The following DLG2 variants were observed in gnomAD, a reference collection of about 807,000 sequenced individuals.
The protein encoded by DLG2 is discs large MAGUK scaffold protein 2, also known as disks large homolog 2.
Under a neutral mutation model 132.5 loss-of-function variants are expected in DLG2, and 45 were observed. The ratio of observed to expected loss-of-function variants is 0.34; its 90% confidence interval spans 0.27 to 0.44. The LOEUF (loss-of-function observed/expected upper bound fraction) is 0.44, where lower values mean the gene tolerates loss of function less well. Ranked by LOEUF, DLG2 falls within the 20% of genes least tolerant of loss-of-function variation. DLG2 has a pLI of 1.00. For missense variants in DLG2, 1,045 were observed against 1,196.9 expected (o/e 0.87, Z 1.87); for synonymous variants, 424 against 419.6 (o/e 1.01, Z -0.13).
At chr11:85,120,735 G>T (rs2074204736) in intron 5 of DLG2, among the ~76,000 whole-genome samples, 1 of 151,900 alleles carries the variant, frequency 6.6e-6, no homozygotes, top group Admixed American at 6.6e-5. Context: ...CAAAATTCTT[G>T]CTGGCATAGA....
At chr11:83,976,336 G>C (rs1482178535) in intron 12 of DLG2, among the ~76,000 whole-genome samples, 2 of 151,924 alleles carry the variant, frequency 1.3e-5, no homozygotes, top group Non-Finnish European at 2.9e-5. Context: ...AGAAGTGTCA[G>C]AAGGAAGTGG....
At chr11:85,250,997 G>A (rs1183630320) in intron 4 of DLG2, among the ~76,000 whole-genome samples, 1 of 152,138 alleles carries the variant, frequency 6.6e-6, no homozygotes, top group Non-Finnish European at 1.5e-5. Context: ...GGGTGAGTTG[G>A]GAATACATTT....
chr11:84,769,786 C>T (rs900634204), intron 6 of DLG2, among the ~76,000 whole-genome samples: 1 of 152,132 alleles, frequency 6.6e-6, no homozygotes, highest in Non-Finnish European at 1.5e-5. Context: ...GGATTTCTCA[C>T]CAGAAACCTT....
At chr11:84,768,108 G>A (rs1462090844) in intron 6 of DLG2, among the ~76,000 whole-genome samples, 4 of 152,126 alleles carry the variant, frequency 2.6e-5, no homozygotes, top group African/African-American at 7.2e-5. Context: ...TCTGTTAAAT[G>A]AGAATGCCAA....
intron 6 of DLG2, among the ~76,000 whole-genome samples, chr11:84,758,522 T>C (rs2067187516): frequency 6.6e-6 from 1 of 152,192 alleles, no homozygotes; most frequent in African/African-American, 2.4e-5. Flanking sequence ...TATTTTCTCA[T>C]TGTTTTACTC....
intron 15 of DLG2, among the ~76,000 whole-genome samples, chr11:83,906,279 A>T (rs1356759865): frequency 0.2 from 19,915 of 100,558 alleles, 2,582 homozygotes; most frequent in South Asian, 0.3. Flanking sequence ...ACACACACAC[A>T]CACACACACA....
At chr11:85,560,892 T>A (rs755281899) in intron 3 of DLG2, among the ~76,000 whole-genome samples, 21 of 150,792 alleles carry the variant, frequency 1.4e-4, no homozygotes, top group Non-Finnish European at 3.0e-4. Flanking sequence ...ATTAGCCAGG[T>A]GTGATGGTGT....
At chr11:84,138,500 C>A (rs1049011596) in intron 9 of DLG2, among the ~76,000 whole-genome samples, 1 of 152,140 alleles carries the variant, frequency 6.6e-6, no homozygotes, top group African/African-American at 2.4e-5. Context: ...GAAGACAGCC[C>A]GTCCCTAAAG....
intron 6 of DLG2, among the ~76,000 whole-genome samples, chr11:84,787,852 A>G (rs989980858): frequency 1.3e-5 from 2 of 151,760 alleles, no homozygotes; most frequent in Non-Finnish European, 2.9e-5. Flanking sequence ...TAATCCCAGC[A>G]CTTTGGGAGG....
intron 11 of DLG2, among the ~76,000 whole-genome samples, chr11:83,989,413 A>C (rs926743425): frequency 6.6e-6 from 1 of 152,148 alleles, no homozygotes; most frequent in Non-Finnish European, 1.5e-5. Flanking sequence ...AAGTGCTCTC[A>C]ATAAACTGTC....
chr11:84,394,760 T>C (rs868367070), intron 7 of DLG2, among the ~76,000 whole-genome samples: 12 of 152,130 alleles, frequency 7.9e-5, no homozygotes, highest in Admixed American at 1.3e-4. Context: ...TAGCTGGGAT[T>C]ACAGGTGTGC....
At chr11:84,710,583 G>C (rs1752452951) in intron 6 of DLG2, among the ~76,000 whole-genome samples, 3 of 151,818 alleles carry the variant, frequency 2.0e-5, no homozygotes, top group African/African-American at 7.3e-5. Context: ...GCCATATGAT[G>C]CAGTGATATC....
At chr11:83,885,225 G>A (rs1451907744) in intron 15 of DLG2, among the ~76,000 whole-genome samples, 1 of 152,182 alleles carries the variant, frequency 6.6e-6, no homozygotes, top group East Asian at 1.9e-4. Context: ...TGTATAACTA[G>A]AATAACCAAT....
chr11:83,996,231 T>C (rs1426769566), intron 11 of DLG2, among the ~76,000 whole-genome samples: 2 of 152,138 alleles, frequency 1.3e-5, no homozygotes, highest in African/African-American at 4.8e-5. Flanking sequence ...GTGCTCAACA[T>C]CATTAATCAT....
intron 6 of DLG2, among the ~76,000 whole-genome samples, chr11:84,664,983 AG>A (rs1411062124): frequency 2.0e-5 from 3 of 151,904 alleles, no homozygotes; most frequent in Non-Finnish European, 4.4e-5. Flanking sequence ...TCGTGAAAGT[AG>A]GAGAAGTACC....
chr11:83,577,559 A>ATATAT (rs2096893978), intron 19 of DLG2, among the ~76,000 whole-genome samples: 1 of 78,442 alleles, frequency 1.3e-5, no homozygotes, highest in Non-Finnish European at 2.4e-5. Flanking sequence ...GAATTAATAG[A>ATATAT]ATATATATAT....
intron 2 of DLG2, among the ~76,000 whole-genome samples, chr11:85,608,346 T>TTC (rs371657114): frequency 4.6e-5 from 7 of 150,960 alleles, no homozygotes; most frequent in South Asian, 4.2e-4. Flanking sequence ...GGCCCCATTA[T>TTC]TCTCTCTCTC....
At chr11:85,057,493 C>A (rs2063574693) in intron 6 of DLG2, among the ~76,000 whole-genome samples, 1 of 151,550 alleles carries the variant, frequency 6.6e-6, no homozygotes, top group African/African-American at 2.4e-5. Context: ...TTTCTAATCT[C>A]TGATAAATAA....
chr11:84,050,942 C>T (rs1050508609), intron 11 of DLG2, among the ~76,000 whole-genome samples: 2 of 151,824 alleles, frequency 1.3e-5, no homozygotes, highest in African/African-American at 4.8e-5. Flanking sequence ...AGTTTGAAGC[C>T]AGGTAGCAAG....
Sources: gnomAD v4.1 joint callset for allele counts (sites outside exome capture counted in the v4.1 genomes callset) on GRCh38, gnomAD v4.1.1 for gene constraint, MANE v1.5 for transcripts, NCBI Gene and HGNC (gene_info 2026-07-23, HGNC 2026-07-21) for gene names.